Variants in CDH22 observed in about 807,000 individuals in gnomAD.
CDH22 encodes cadherin-22.
In CDH22, 30 loss-of-function variants were observed where a neutral mutation model predicts 58.4. The observed-to-expected ratio is 0.51, with a 90% confidence interval of 0.38 to 0.70. The LOEUF (loss-of-function observed/expected upper bound fraction) is 0.70, where lower values mean the gene tolerates loss of function less well. CDH22 is among the 30% of genes least tolerant of loss of function. The pLI is 0.00. For missense variants in CDH22, 1,014 were observed against 1,233.9 expected (o/e 0.82, Z 2.67); for synonymous variants, 513 against 558.2 (o/e 0.92, Z 1.14).
At chr20:46,270,042 G>A (rs1280073859) in intron 1 of CDH22, among the ~76,000 whole-genome samples, 2 of 152,204 alleles carry the variant, frequency 1.3e-5, no homozygotes, top group Non-Finnish European at 2.9e-5. Context: ...ATCCTTGAAG[G>A]ATAAGTAGGG....
chr20:46,286,428 G>A (rs1394517035), intron 1 of CDH22, among the ~76,000 whole-genome samples: 4 of 152,140 alleles, frequency 2.6e-5, no homozygotes, highest in Admixed American at 6.5e-5. Context: ...CGACCAGGGC[G>A]CGTTATTGCC....
At chr20:46,257,874 G>A (rs538788169) in intron 1 of CDH22, among the ~76,000 whole-genome samples, 1 of 152,222 alleles carries the variant, frequency 6.6e-6, no homozygotes, top group East Asian at 1.9e-4. Context: ...AGATGAGGAG[G>A]AAACAGCAAG....
Position 46,241,945 on chromosome 20 carries a change from C to T in CDH22, c.256-688G>A, listed in dbSNP as rs1271336993. Among the ~76,000 whole-genome samples the T allele has an allele frequency of 6.6e-6, 1 of 152,154 alleles. No individual in the cohort carries two copies. Among genetic ancestry groups the T allele is most frequent in the African/African-American group, 2.4e-5 (1 of 41,444 alleles). ...AAACTTCCAGGCTGCTGGTCCATGA[C>T]CTCACTGTGAATTACAGGTCCACTG... On this transcript the variant is annotated intron_variant, in intron 2 of 11. Coordinates refer to ENST00000537909, the MANE Select transcript of CDH22 (RefSeq NM_021248.3). This position sits in a 1 kb window ranked among gnomAD's most constrained non-coding sequence, Gnocchi z 5.2.
intron 1 of CDH22, among the ~76,000 whole-genome samples, chr20:46,287,358 A>C (rs1483365313): frequency 6.6e-6 from 1 of 152,226 alleles, no homozygotes; most frequent in Non-Finnish European, 1.5e-5. Flanking sequence ...CGACTTCATT[A>C]AAACATGCGA....
chr20:46,271,082 G>C (rs1278291630), intron 1 of CDH22, among the ~76,000 whole-genome samples: 1 of 152,266 alleles, frequency 6.6e-6, no homozygotes. Flanking sequence ...GCAGTCATGA[G>C]AGTGGAAGAT....
intron 1 of CDH22, among the ~76,000 whole-genome samples, chr20:46,257,721 G>A (rs534410054): frequency 6.6e-6 from 1 of 152,336 alleles, no homozygotes; most frequent in African/African-American, 2.4e-5. Flanking sequence ...GGAGTTCAGG[G>A]GTGAGGTCCT....
At chr20:46,238,177 C>T (rs1050562883) in intron 3 of CDH22, among the ~76,000 whole-genome samples, 10 of 152,204 alleles carry the variant, frequency 6.6e-5, no homozygotes, top group African/African-American at 2.2e-4. Flanking sequence ...AGATGGGGCT[C>T]CTGCTTCCTT....
At chr20:46,181,715 T>TCC (rs1568649768) in intron 10 of CDH22, among the ~76,000 whole-genome samples, 1 of 54,518 alleles carries the variant, frequency 1.8e-5, no homozygotes, top group African/African-American at 7.8e-5. Context: ...TTCTTTCTTT[T>TCC]TTTCCTTCCT....
chr20:46,240,325 G>T (rs192707409), intron 3 of CDH22, among the ~76,000 whole-genome samples: 10,166 of 152,086 alleles, frequency 0.067, 973 homozygotes, highest in African/African-American at 0.21. Flanking sequence ...GCCTGGGGTT[G>T]TGTGTGGCTA....
At position 46,193,788 on chromosome 20, in the gene CDH22, C is replaced by T. The variant is rs1436232192; in HGVS notation, c.1423+5635G>A. ...CTTTCTGCTGGGAACACCTGAATCC[C>T]CTTTCTGCCTGGAACACCTGAATCC... On this transcript the variant is annotated intron_variant, in intron 8 of 11. Transcript: ENST00000537909. Among the ~76,000 whole-genome samples, 3 of 152,060 alleles carry T rather than the reference C, an allele frequency of 2.0e-5. No homozygotes were observed. In the East Asian group the frequency reaches 5.8e-4, roughly 29 times the overall value.
At chr20:46,206,724 GT>G (rs2086004223) in intron 7 of CDH22, among the ~76,000 whole-genome samples, 1 of 152,156 alleles carries the variant, frequency 6.6e-6, no homozygotes, top group Non-Finnish European at 1.5e-5. Flanking sequence ...TTTCTTCATA[GT>G]GCTTTCAGCA....
intron 4 of CDH22, among the ~76,000 whole-genome samples, chr20:46,226,575 AC>A (rs1194013665): frequency 1.3e-5 from 2 of 151,902 alleles, no homozygotes; most frequent in Non-Finnish European, 2.9e-5. Flanking sequence ...GAGCCACTGC[AC>A]CCGCAGACAC....
chr20:46,260,638 T>A (rs991691823), intron 1 of CDH22, among the ~76,000 whole-genome samples: 1 of 152,140 alleles, frequency 6.6e-6, no homozygotes, highest in African/African-American at 2.4e-5. Flanking sequence ...TCCCTCTCAC[T>A]GGGGAGTTGC....
chr20:46,304,569 C>T (rs1192823496), intron 1 of CDH22, among the ~76,000 whole-genome samples: 1 of 152,220 alleles, frequency 6.6e-6, no homozygotes, highest in African/African-American at 2.4e-5. Flanking sequence ...TGGCTGAAGG[C>T]TTGTGGGTCT....
chr20:46,177,924 G>A (rs762288213), intron 11 of CDH22, 22 bp downstream of exon 11: 2 of 1,611,464 alleles, frequency 1.2e-6, no homozygotes, highest in South Asian at 1.1e-5. Context: ...AGGCAGGGCT[G>A]GGTGGCTCTC....
chr20:46,191,886 C>T (rs1048333416), intron 8 of CDH22, among the ~76,000 whole-genome samples: 42 of 152,236 alleles, frequency 2.8e-4, no homozygotes, highest in African/African-American at 1.0e-3. Flanking sequence ...CCCACAAGGC[C>T]CCCCATGATC....
intron 7 of CDH22, among the ~76,000 whole-genome samples, chr20:46,202,171 C>T (rs1171462339): frequency 6.6e-6 from 1 of 151,982 alleles, no homozygotes; most frequent in African/African-American, 2.4e-5. Flanking sequence ...GGGTGAATTC[C>T]AGCGAGCCTT....
At position 46,174,481 on chromosome 20, in the gene CDH22, C is replaced by G; in HGVS notation, c.*25G>C. On this transcript the variant is annotated 3_prime_UTR_variant, in exon 12 of 12. Transcript: ENST00000537909. This position sits in a 1 kb window ranked among gnomAD's most constrained non-coding sequence, Gnocchi z 4.4. ...GGCGTGTGCTGGGCGGGTGAGCAGC[C>G]GCGCCCCGACGGCAGGGCGAGGGGC... 5 of 1,431,586 alleles carry G rather than the reference C, an allele frequency of 3.5e-6. No individual in the cohort carries two copies. The highest frequency in any genetic ancestry group is 4.6e-6 in the Non-Finnish European group (5 of 1,095,650). The allele number at this position is 1,431,586 out of a possible 1,614,324, so 88.7% of individuals were successfully genotyped here.
chr20:46,214,162 T>C (rs576053761), intron 5 of CDH22, among the ~76,000 whole-genome samples: 1 of 152,144 alleles, frequency 6.6e-6, no homozygotes, highest in African/African-American at 2.4e-5. Context: ...GTGCCTGGCA[T>C]GTTGGAAGAA....
Sources: allele counts gnomAD v4.1 joint callset (sites outside exome capture counted in the v4.1 genomes callset), GRCh38; gene constraint gnomAD v4.1.1; non-coding constraint Gnocchi (gnomAD v3.1); transcripts MANE v1.5; gene names NCBI Gene and HGNC (gene_info 2026-07-23, HGNC 2026-07-21).